Variants in PTPRN2 observed in about 807,000 individuals in gnomAD.
PTPRN2 encodes receptor-type tyrosine-protein phosphatase N2.
A neutral mutation model predicts 118.8 loss-of-function variants in PTPRN2; 74 were observed. The observed-to-expected ratio is 0.62, with a 90% confidence interval of 0.52 to 0.76. The LOEUF is 0.76. PTPRN2 is among the 30% of genes least tolerant of loss of function. The pLI is 0.00. For synonymous variants in PTPRN2, 641 were observed against 608.0 expected (o/e 1.05, Z -0.80); for missense variants, 1,481 against 1,394.4 (o/e 1.06, Z -0.99).
At chr7:158,186,917 C>A (rs1381528557) in intron 5 of PTPRN2, among the ~76,000 whole-genome samples, 1 of 152,172 alleles carries the variant, frequency 6.6e-6, no homozygotes, top group Non-Finnish European at 1.5e-5. Flanking sequence ...GTTTTTTAAA[C>A]ATTTCCAAGA....
At position 158,334,688 on chromosome 7, in the gene PTPRN2, C is replaced by A. The variant is rs11980568; in HGVS notation, c.164-17756G>T. ...CCTGCAGACGTCACTCACACCCACA[C>A]TCTCACCATAAGAGGTGACACCTGC... On this transcript the variant is annotated intron_variant, in intron 2 of 22. Coordinates refer to ENST00000389418, the MANE Select transcript of PTPRN2 (RefSeq NM_002847.5). 4.5e-3 allele frequency among the ~76,000 whole-genome samples: 300 copies of A among 67,296 alleles called. 34 individuals are homozygous for A. Among genetic ancestry groups the A allele is most frequent in the African/African-American group, 0.016 (281 of 17,958 alleles). 44.1% of individuals were successfully genotyped at this position (67,296 alleles called of 152,430 possible).
intron 11 of PTPRN2, among the ~76,000 whole-genome samples, chr7:157,998,188 C>T (rs140514452): frequency 0.026 from 3,843 of 149,662 alleles, 106 homozygotes; most frequent in Non-Finnish European, 0.039. Flanking sequence ...GCCCAGGGCC[C>T]GGGCTGCAGC....
chr7:158,282,435 G>A (rs900974666), intron 3 of PTPRN2, among the ~76,000 whole-genome samples: 4 of 152,246 alleles, frequency 2.6e-5, no homozygotes, highest in Non-Finnish European at 5.9e-5. Flanking sequence ...TGTGGGTCTA[G>A]GAGACGCAGA....
intron 11 of PTPRN2, among the ~76,000 whole-genome samples, chr7:157,998,388 T>C (rs1380966770): frequency 1.3e-5 from 2 of 152,154 alleles, no homozygotes; most frequent in Non-Finnish European, 2.9e-5. Context: ...GACCACGCCA[T>C]CCATCCGCTG....
At chr7:158,501,443 G>A (rs566239054) in intron 1 of PTPRN2, among the ~76,000 whole-genome samples, 2 of 152,328 alleles carry the variant, frequency 1.3e-5, no homozygotes, top group Non-Finnish European at 2.9e-5. Context: ...ATCCTGAACG[G>A]GAGAACAGCC....
intron 14 of PTPRN2, among the ~76,000 whole-genome samples, chr7:157,633,381 G>C (rs1804087930): frequency 6.6e-6 from 1 of 152,186 alleles, no homozygotes; most frequent in African/African-American, 2.4e-5. Flanking sequence ...GACCTCGGGT[G>C]ATCTGCCTGC....
chr7:158,241,528 T>A (rs1795905080), intron 3 of PTPRN2, among the ~76,000 whole-genome samples: 1 of 151,936 alleles, frequency 6.6e-6, no homozygotes, highest in African/African-American at 2.4e-5. Context: ...AAAGAATTAA[T>A]AAATAAATAA....
intron 2 of PTPRN2, among the ~76,000 whole-genome samples, chr7:158,346,114 C>T (rs1165156929): frequency 6.6e-6 from 1 of 152,204 alleles, no homozygotes; most frequent in East Asian, 1.9e-4. Flanking sequence ...TTAAATCAAG[C>T]TAGTTAACAT....
At chr7:158,552,307 C>G in intron 1 of PTPRN2, among the ~76,000 whole-genome samples, 1 of 151,794 alleles carries the variant, frequency 6.6e-6, no homozygotes, top group East Asian at 1.9e-4. Flanking sequence ...GCCTCCTAAC[C>G]ACACCCCATT....
chr7:158,511,629 C>G (rs556632736), intron 1 of PTPRN2, among the ~76,000 whole-genome samples: 5 of 152,226 alleles, frequency 3.3e-5, no homozygotes, highest in Non-Finnish European at 4.4e-5. Context: ...AGCTTTGCCT[C>G]TCACACAATC....
chr7:157,896,380 C>T lies in PTPRN2; in HGVS notation c.1788+2293G>A, dbSNP rs140061648. On this transcript the variant is annotated intron_variant, in intron 12 of 22. Transcript: ENST00000389418. ...CGACCAGGCCCTGTGGCTCCTCCAG[C>T]GTGGGAAGAGCAGCTCTGTCCTGAA... is the stretch of plus-strand genomic sequence containing the variant. Among the ~76,000 whole-genome samples, 1,445 of 152,100 alleles carry T rather than the reference C, an allele frequency of 9.5e-3. 16 individuals carry two copies. Among genetic ancestry groups the T allele is most frequent in the African/African-American group, 0.033 (1,365 of 41,376 alleles).
intron 11 of PTPRN2, among the ~76,000 whole-genome samples, 198 bp downstream of exon 11, chr7:158,081,100 C>T (rs3800864): frequency 0.47 from 72,085 of 152,082 alleles, 20,453 homozygotes; most frequent in South Asian, 0.74. Flanking sequence ...TGCCCACGGA[C>T]AGCCACATTG....
intron 3 of PTPRN2, among the ~76,000 whole-genome samples, chr7:158,213,242 G>C (rs942547590): frequency 6.6e-6 from 1 of 151,752 alleles, no homozygotes; most frequent in Non-Finnish European, 1.5e-5. Flanking sequence ...GTGTGTGTGT[G>C]TGTGTGTGTG....
chr7:158,262,011 C>T (rs570366666), intron 3 of PTPRN2, among the ~76,000 whole-genome samples: 8 of 152,290 alleles, frequency 5.3e-5, no homozygotes, highest in East Asian at 3.9e-4. Context: ...GGGCCACAGC[C>T]GCCCTGAGCC....
At chr7:157,892,437 T>C (rs1796863375) in intron 12 of PTPRN2, among the ~76,000 whole-genome samples, 3 of 152,240 alleles carry the variant, frequency 2.0e-5, no homozygotes, top group Admixed American at 1.3e-4. Context: ...CACCCATCTA[T>C]GAGGGGTGTG....
At chr7:157,972,519 C>A (rs1802407667) in intron 11 of PTPRN2, among the ~76,000 whole-genome samples, 1 of 147,064 alleles carries the variant, frequency 6.8e-6, no homozygotes, top group African/African-American at 2.5e-5. Context: ...AACTCCACAC[C>A]ACGAGAGCAG....
At chr7:158,506,851 G>A (rs912327329) in intron 1 of PTPRN2, among the ~76,000 whole-genome samples, 2 of 152,230 alleles carry the variant, frequency 1.3e-5, no homozygotes, top group East Asian at 1.9e-4. Context: ...GGGCCAGCCC[G>A]ATGGTTGCAA....
intron 21 of PTPRN2, among the ~76,000 whole-genome samples, chr7:157,557,662 T>G (rs1455189561): frequency 6.6e-6 from 1 of 152,112 alleles, no homozygotes; most frequent in East Asian, 1.9e-4. Context: ...AGCAGGTTTT[T>G]TTTTGCTGAC....
chr7:158,014,637 T>TATCCATC (rs1806305183), intron 11 of PTPRN2, among the ~76,000 whole-genome samples: 1 of 151,282 alleles, frequency 6.6e-6, no homozygotes, highest in Non-Finnish European at 1.5e-5. Context: ...CACCTATCCA[T>TATCCATC]ATCCATCATC....
Sources: allele counts gnomAD v4.1 joint callset (sites outside exome capture counted in the v4.1 genomes callset), GRCh38; gene constraint gnomAD v4.1.1; transcripts MANE v1.5; gene names NCBI Gene and HGNC (gene_info 2026-07-23, HGNC 2026-07-21).